ESYT3: variants seen among roughly 807,000 people sequenced by gnomAD.
The protein encoded by ESYT3 is extended synaptotagmin-3.
Under a neutral mutation model 111.5 loss-of-function variants are expected in ESYT3, and 101 were observed. That is an observed-to-expected ratio of 0.91 (90% CI 0.77 to 1.07). The LOEUF is 1.07. Ranked by LOEUF, ESYT3 falls within the 50% of genes least tolerant of loss-of-function variation. The pLI is 0.00. For synonymous variants in ESYT3, 416 were observed against 446.8 expected (o/e 0.93, Z 0.87); for missense variants, 1,097 against 1,109.4 (o/e 0.99, Z 0.16).
intron 8 of ESYT3, among the ~76,000 whole-genome samples, chr3:138,463,287 G>C (rs963268720): frequency 1.3e-5 from 2 of 152,092 alleles, no homozygotes; most frequent in Non-Finnish European, 2.9e-5. Context: ...TAGAGACCGG[G>C]TTTCACCATG....
At position 138,434,681 on chromosome 3, in the gene ESYT3, G is replaced by A. The variant is rs986494703; in HGVS notation, c.-118G>A. ...CTCGGCGCGCCGAGAGTCCCAGCAG[G>A]GCAAGGGGGCGCGGCGTCCTGGTCC... On this transcript the variant is annotated 5_prime_UTR_variant, in exon 1 of 23. Coordinates refer to ENST00000389567, the MANE Select transcript of ESYT3 (RefSeq NM_031913.5). 2.1e-6 allele frequency: 2 copies of A among 950,958 alleles called. No individual in the cohort carries two copies. Among genetic ancestry groups the A allele is most frequent in the Non-Finnish European group, 3.0e-6 (2 of 663,796 alleles). The allele number at this position is 950,958 out of a possible 1,614,324, so 58.9% of individuals were successfully genotyped here.
chr3:138,475,581 T>A (rs2033441173), intron 20 of ESYT3, among the ~76,000 whole-genome samples: 1 of 152,088 alleles, frequency 6.6e-6, no homozygotes, highest in South Asian at 2.1e-4. Context: ...AGAAGGGGGT[T>A]GAGGTGGTCC....
chr3:138,455,017 G>C (rs745342613), intron 2 of ESYT3, among the ~76,000 whole-genome samples, 177 bp from the exon 3 acceptor site: 30 of 152,120 alleles, frequency 2.0e-4, no homozygotes, highest in Non-Finnish European at 2.9e-4. Flanking sequence ...GATGTTTGAC[G>C]GACAGACAGA....
intron 2 of ESYT3, among the ~76,000 whole-genome samples, chr3:138,453,087 T>C (rs1393139197): frequency 6.6e-6 from 1 of 152,096 alleles, no homozygotes; most frequent in Non-Finnish European, 1.5e-5. Context: ...ACAGAGAACA[T>C]TCTCAGCCTC....
In ESYT3 at chr3:138,479,393, A is replaced by ATATC. The variant is rs2033625905; in HGVS notation, c.*2541_*2544dup. 6.6e-6 allele frequency: 1 copy of ATATC among 152,246 alleles called. No homozygotes were observed. Among genetic ancestry groups the ATATC allele is most frequent in the Non-Finnish European group, 1.5e-5 (1 of 68,046 alleles). 9.4% of individuals were successfully genotyped at this position (152,246 alleles called of 1,614,324 possible). A position where few individuals can be genotyped will look rare whatever the true frequency, so the allele number is the denominator to read the frequency against. ...ATTAAGAAAGTAAGTATTCAAGACCATATCTTATTTAGGAAGCTAAAGATA... is the reference window on the plus strand; with the variant it reads ...ATTAAGAAAGTAAGTATTCAAGACCATATCTATCTTATTTAGGAAGCTAAAGATA... On this transcript the variant is annotated 3_prime_UTR_variant, in exon 23 of 23. Transcript: ENST00000389567.
chr3:138,461,937 C>A, intron 7 of ESYT3, 149 bp from the exon 8 acceptor site: 1 of 1,104,482 alleles, frequency 9.1e-7, no homozygotes, highest in Non-Finnish European at 1.3e-6. Context: ...GGCACACCCA[C>A]CCCTACCCAG....
chr3:138,451,701 G>T (rs1431020105), intron 1 of ESYT3, among the ~76,000 whole-genome samples: 1 of 152,194 alleles, frequency 6.6e-6, no homozygotes, highest in East Asian at 1.9e-4. Flanking sequence ...GAGGGGAGGG[G>T]TGAAACCGCG....
chr3:138,468,700 A>G lies in ESYT3; in HGVS notation c.1354A>G (p.Ser452Gly), dbSNP rs1429829858. ...TGCCATTCTCGTGGTCTTCTTGGAG[A>G]GTGCCTGCAACTTGCCGGTGAGTGG... Reference protein sequence around the residue: ...STAILVVFLESACNLPRNPFD... With the variant: ...STAILVVFLEGACNLPRNPFD... The change falls in exon 13 of 23, where the codon AGT becomes GGT. Residue 452 changes from serine (S) to glycine (G), a missense_variant. Transcript: ENST00000389567. 1 of 1,614,042 alleles carries G rather than the reference A, an allele frequency of 6.2e-7. No individual in the cohort carries two copies. Among genetic ancestry groups the G allele is most frequent in the Admixed American group, 1.7e-5 (1 of 59,990 alleles).
chr3:138,453,925 G>A (rs1031811045), intron 2 of ESYT3, among the ~76,000 whole-genome samples: 12 of 152,156 alleles, frequency 7.9e-5, no homozygotes, highest in Admixed American at 7.2e-4. Context: ...AGGCTGAAAC[G>A]ATCCTCCTGC....
rs1560251459 is a variant in ESYT3, at chr3:138,476,980, T to C, written c.*126T>C. The C allele has an allele frequency of 4.9e-6, 3 of 615,266 alleles. No homozygotes were observed. Among genetic ancestry groups the C allele is most frequent in the Non-Finnish European group, 8.1e-6 (3 of 372,636 alleles). The allele number at this position is 615,266 out of a possible 1,614,324, so 38.1% of individuals were successfully genotyped here. ...TTTAAATCAGAACAACCACTTGAAATTATATACATACAATTCTTGTGTGGA... is the reference window on the plus strand; with the variant it reads ...TTTAAATCAGAACAACCACTTGAAACTATATACATACAATTCTTGTGTGGA... On this transcript the variant is annotated 3_prime_UTR_variant, in exon 23 of 23. Transcript: ENST00000389567.
chr3:138,449,346 A>C (rs2031779115), intron 1 of ESYT3, among the ~76,000 whole-genome samples: 1 of 151,982 alleles, frequency 6.6e-6, no homozygotes, highest in Non-Finnish European at 1.5e-5. Context: ...TCGGCCTCCC[A>C]AAGCGCTGGG....
At chr3:138,471,106 C>T in intron 17 of ESYT3, 80 bp downstream of exon 17, 1 of 1,196,058 alleles carries the variant, frequency 8.4e-7, no homozygotes, top group Non-Finnish European at 1.2e-6. Context: ...CAGCACTAAG[C>T]ACCTGCTGTG....
At position 138,457,450 on chromosome 3, in the gene ESYT3, G is replaced by A. The variant is rs77735128; in HGVS notation, c.505-118G>A. ...GGATAGATTTACATGTCTGTGCCTC[G>A]TCTTGGAAGTATGGTGGTCATGCTC... On this transcript the variant is annotated intron_variant, in intron 3 of 22. Coordinates refer to ENST00000389567, the MANE Select transcript of ESYT3 (RefSeq NM_031913.5). 0.013 allele frequency: 11,728 copies of A among 869,784 alleles called. 854 individuals carry two copies. In the African/African-American group the frequency reaches 0.17, roughly 12 times the overall value. 53.9% of individuals were successfully genotyped at this position (869,784 alleles called of 1,614,324 possible).
At chr3:138,459,314 G>A (rs2032484553) in intron 5 of ESYT3, 61 bp downstream of exon 5, 1 of 1,413,040 alleles carries the variant, frequency 7.1e-7, no homozygotes, top group African/African-American at 1.4e-5. Flanking sequence ...TCAGGGAAGG[G>A]GAAGCCAGGT....
At position 138,478,623 on chromosome 3, in the gene ESYT3, A is replaced by G. The variant is rs1396801104; in HGVS notation, c.*1769A>G. 6.6e-6 allele frequency: 1 copy of G among 152,350 alleles called. No homozygotes were observed. Among genetic ancestry groups the G allele is most frequent in the East Asian group, 1.9e-4 (1 of 5,188 alleles). The allele number at this position is 152,350 out of a possible 1,614,324, so 9.4% of individuals were successfully genotyped here. A position where few individuals can be genotyped will look rare whatever the true frequency, so the allele number is the denominator to read the frequency against. ...CAAACATTTATTTTAAACGTGGTCA[A>G]TTGAACCGTTTTTACCTGTGTCAGG... On this transcript the variant is annotated 3_prime_UTR_variant, in exon 23 of 23. Transcript: ENST00000389567.
intron 1 of ESYT3, among the ~76,000 whole-genome samples, chr3:138,436,115 T>G (rs1302917598): frequency 1.3e-5 from 2 of 152,186 alleles, no homozygotes; most frequent in Admixed American, 1.3e-4. Context: ...GAAAAAAATA[T>G]AAGGCCCATT....
At chr3:138,464,002 G>C (rs927529467) in intron 8 of ESYT3, among the ~76,000 whole-genome samples, 4 of 152,216 alleles carry the variant, frequency 2.6e-5, no homozygotes, top group Non-Finnish European at 5.9e-5. Flanking sequence ...ACACACAACA[G>C]AGGGGTCTGG....
Position 138,468,882 on chromosome 3 carries a change from G to A in ESYT3, c.1434+1G>A, listed in dbSNP as rs1560239512. ...CAAAAAACTCTCCAGGTTTGCCAGAGTGAGTGAGTATGTGGCTAAAAACTC... is the reference window on the plus strand; with the variant it reads ...CAAAAAACTCTCCAGGTTTGCCAGAATGAGTGAGTATGTGGCTAAAAACTC... On this transcript the variant is annotated splice_donor_variant, in intron 14 of 22. Transcript: ENST00000389567. LOFTEE classifies it high-confidence loss of function. The A allele has an allele frequency of 2.5e-6, 4 of 1,614,096 alleles. No homozygotes were observed. Among genetic ancestry groups the A allele is most frequent in the East Asian group, 2.2e-5 (1 of 44,880 alleles).
rs148326481 is a variant in ESYT3 at position 138,435,429 on chromosome 3, A to G, written c.327+304A>G. ...CGGGCAGACCACACCCGGGAGAAAA[A>G]CAAGGGCGTCTGGGACTTCGCAGAC... On this transcript the variant is annotated intron_variant, in intron 1 of 22. Coordinates refer to ENST00000389567, the MANE Select transcript of ESYT3 (RefSeq NM_031913.5). The surrounding 1 kb of genome is among the most constrained non-coding windows in gnomAD (Gnocchi z 4.8). Among the ~76,000 whole-genome samples the G allele has an allele frequency of 3.8e-3, 574 of 152,272 alleles. 2 individuals carry two copies. The highest frequency in any genetic ancestry group is 0.013 in the African/African-American group (541 of 41,550).
Sources: gnomAD v4.1 joint callset for allele counts (sites outside exome capture counted in the v4.1 genomes callset) on GRCh38, gnomAD v4.1.1 for gene constraint, Gnocchi (gnomAD v3.1) non-coding constraint, MANE v1.5 for transcripts, NCBI Gene and HGNC (gene_info 2026-07-23, HGNC 2026-07-21) for gene names.